Variants in KIF4A observed in about 807,000 individuals in gnomAD.
KIF4A encodes chromosome-associated kinesin KIF4A.
KIF4A carries 7 observed loss-of-function variants against 105.9 expected under a neutral mutation model. The ratio of observed to expected loss-of-function variants is 0.07; its 90% CI spans 0.04 to 0.12. The LOEUF is 0.12. Among genes scored for constraint, KIF4A ranks in the 10% least tolerant of loss-of-function variants. KIF4A has a pLI of 1.00. For synonymous variants in KIF4A, 281 were observed against 331.3 expected (o/e 0.85, Z 1.65); for missense variants, 558 against 929.2 (o/e 0.60, Z 5.19).
intron 18 of KIF4A, among the ~76,000 whole-genome samples, chrX:70,380,403 T>C (rs2086192929): frequency 8.9e-6 from 1 of 112,207 alleles, no homozygotes; most frequent in Non-Finnish European, 1.9e-5. Context: ...TGTTATATAC[T>C]GTATCAGTAG....
intron 15 of KIF4A, among the ~76,000 whole-genome samples, chrX:70,356,473 G>A (rs1029624329): frequency 1.8e-5 from 2 of 111,630 alleles, no homozygotes; most frequent in Non-Finnish European, 3.8e-5. Context: ...CGAGGCGGGA[G>A]AATCGCTTGA....
intron 22 of KIF4A, 126 bp from the exon 23 acceptor site, chrX:70,402,440 A>G (rs1400469381): frequency 3.6e-6 from 3 of 827,907 alleles, no homozygotes. Context: ...TGACTTAAAC[A>G]TTATTTAAAT....
At chrX:70,398,769 A>G (rs914699778) in intron 22 of KIF4A, among the ~76,000 whole-genome samples, 7 of 112,243 alleles carry the variant, frequency 6.2e-5, no homozygotes, top group African/African-American at 2.3e-4. Context: ...AAAGGACTCT[A>G]CATTAGACCA....
In KIF4A at chrX:70,352,676, G is replaced by A. The variant is rs1200904920; in HGVS notation, c.1488+20G>A. 4 of 1,113,489 alleles carry A rather than the reference G, an allele frequency of 3.6e-6. No individual in the cohort carries two copies. Among genetic ancestry groups the A allele is most frequent in the Non-Finnish European group, 4.9e-6 (4 of 816,284 alleles). The allele number at this position is 1,113,489 out of a possible 1,213,427, so 91.8% of individuals were successfully genotyped here. On this transcript the variant is annotated intron_variant, in intron 14 of 30. Transcript: ENST00000374403. ...GAAGCCGTAAGTAATTGGCCCCTTTGTGTAGAACCAGGAGCTCTAACTGCC... is the reference window on the plus strand; with the variant it reads ...GAAGCCGTAAGTAATTGGCCCCTTTATGTAGAACCAGGAGCTCTAACTGCC...
At chrX:70,296,083 CTTTTTTTTTT>C (rs386417082) in intron 3 of KIF4A, among the ~76,000 whole-genome samples, 1 of 65,029 alleles carries the variant, frequency 1.5e-5, no homozygotes, top group Admixed American at 2.5e-4. Context: ...ATAAATGATG[CTTTTTTTTTT>C]TTTTTTTTTT....
At chrX:70,415,866 T>C (rs1270513590) in intron 28 of KIF4A, among the ~76,000 whole-genome samples, 1 of 93,865 alleles carries the variant, frequency 1.1e-5, no homozygotes, top group Non-Finnish European at 2.1e-5. Flanking sequence ...TATTTCTTTT[T>C]TTTTTTTTTT....
intron 16 of KIF4A, among the ~76,000 whole-genome samples, chrX:70,374,459 C>T (rs1373261099): frequency 8.9e-6 from 1 of 111,777 alleles, no homozygotes; most frequent in East Asian, 2.8e-4. Context: ...CATAACACAG[C>T]ACATGATTAG....
Position 70,403,924 on chromosome X carries a change from A to G in KIF4A, c.2680A>G (p.Ser894Gly). The G allele has an allele frequency of 8.3e-7, 1 of 1,211,588 alleles. No individual in the cohort carries two copies. The highest frequency in any genetic ancestry group is 1.1e-6 in the Non-Finnish European group (1 of 895,273). Residue 894 changes from serine to glycine, a missense_variant, in exon 24 of 31, where the codon AGC becomes GGC. Transcript: ENST00000374403. ...LESSLKQSKT[S>G]CADMQKMLFE... ...AAGCAGCCTGAAACAGAGCAAGACC[A>G]GCTGTGCTGACATGCAGAAGATGCT...
chrX:70,402,319 C>T, intron 22 of KIF4A, among the ~76,000 whole-genome samples: 1 of 112,205 alleles, frequency 8.9e-6, no homozygotes, highest in African/African-American at 3.2e-5. Flanking sequence ...CCAAGTCCCA[C>T]TTTATGACCC....
chrX:70,329,295 A>G (rs2085921734), intron 7 of KIF4A, 110 bp from the exon 8 acceptor site: 3 of 716,158 alleles, frequency 4.2e-6, no homozygotes, highest in Non-Finnish European at 6.1e-6. Flanking sequence ...CTCAAGATTG[A>G]TGACTCGATA....
At position 70,375,213 on chromosome X, in the gene KIF4A, G is replaced by A. The variant is rs1360706286; in HGVS notation, c.1788G>A (p.Glu596=). 2.5e-6 allele frequency: 3 copies of A among 1,210,418 alleles called. No individual in the cohort carries two copies. The highest frequency in any genetic ancestry group is 3.4e-6 in the Non-Finnish European group (3 of 895,354). ...KKDANQAKLS[E]RRRKRLQELE... is the part of the protein sequence containing the mutation. ...CAGCATCTGTGTTTAGGTTGAGTGAGCGCCGCCGCAAACGTCTCCAGGAGC... is the reference window on the plus strand; with the variant it reads ...CAGCATCTGTGTTTAGGTTGAGTGAACGCCGCCGCAAACGTCTCCAGGAGC... The change falls in exon 17 of 31, where the codon GAG becomes GAA. Residue 596 remains glutamate (E), a synonymous_variant. Transcript: ENST00000374403.
At chrX:70,417,240 C>T (rs149648079) in intron 28 of KIF4A, among the ~76,000 whole-genome samples, 6,837 of 112,380 alleles carry the variant, frequency 0.061, 190 homozygotes, top group Middle Eastern at 0.092. Flanking sequence ...CGGTGGCTCA[C>T]GCCTGTAATC....
At chrX:70,363,244 CTTT>C (rs66746620) in intron 15 of KIF4A, among the ~76,000 whole-genome samples, 26 of 106,002 alleles carry the variant, frequency 2.5e-4, no homozygotes, top group Non-Finnish European at 4.7e-4. Context: ...AACTATTTTT[CTTT>C]TTTTTTTTAA....
chrX:70,306,179 G>A (rs1172766812), intron 7 of KIF4A, among the ~76,000 whole-genome samples: 2 of 112,037 alleles, frequency 1.8e-5, no homozygotes, highest in African/African-American at 6.5e-5. Flanking sequence ...GAATTGTCTT[G>A]GCATACTTGT....
intron 15 of KIF4A, among the ~76,000 whole-genome samples, chrX:70,372,612 C>T (rs751707073): frequency 1.8e-4 from 15 of 85,314 alleles, no homozygotes; most frequent in Admixed American, 1.5e-3. Context: ...AGCTTCGGCT[C>T]GGCATCAGAG....
chrX:70,321,306 G>A (rs1267063314), intron 7 of KIF4A, among the ~76,000 whole-genome samples: 3 of 112,186 alleles, frequency 2.7e-5, no homozygotes, highest in Non-Finnish European at 5.6e-5. Context: ...ACATAGCCAC[G>A]TTTTAAGACT....
rs979680512 is a variant in KIF4A at position 70,345,301 on chromosome X, T to A, written c.1431+1319T>A. On this transcript the variant is annotated intron_variant, in intron 13 of 30. Transcript: ENST00000374403. The stretch of plus-strand genomic sequence containing the variant: ...CAAAATGGTGAAACCCTGTTTCTAC[T>A]GAAAATACAAAAATTAGCCAGGTGT... Among the ~76,000 whole-genome samples, 15 of 110,920 alleles carry A rather than the reference T, an allele frequency of 1.4e-4. No homozygotes were observed. The Admixed American group carries it at 1.4e-3, about 11-fold the overall frequency.
At chrX:70,338,556 G>T (rs1159337173) in intron 10 of KIF4A, among the ~76,000 whole-genome samples, 1 of 111,998 alleles carries the variant, frequency 8.9e-6, no homozygotes, top group African/African-American at 3.3e-5. Flanking sequence ...GTTGATGGAG[G>T]TTTGGGTTGT....
rs544630481 is a variant in KIF4A, at chrX:70,388,098, C to G, written c.2232+801C>G. ...TATCCCCACAGTGGTTCCAGGCAAC[C>G]ATTAATCTGCTTTCTGTCACTATGG... On this transcript the variant is annotated intron_variant, in intron 20 of 30. Coordinates refer to ENST00000374403, the MANE Select transcript of KIF4A (RefSeq NM_012310.5). Among the ~76,000 whole-genome samples, 19 of 111,355 alleles carry G rather than the reference C, an allele frequency of 1.7e-4. No individual in the cohort carries two copies. In the East Asian group the frequency reaches 2.0e-3, roughly 12 times the overall value.
Sources: allele counts gnomAD v4.1 joint callset (sites outside exome capture counted in the v4.1 genomes callset), GRCh38; gene constraint gnomAD v4.1.1; transcripts MANE v1.5; gene names NCBI Gene and HGNC (gene_info 2026-07-23, HGNC 2026-07-21).